The following NRG3 variants were observed in gnomAD, a reference collection of about 807,000 sequenced individuals.
NRG3 encodes neuregulin 3.
In NRG3, 31 loss-of-function variants were observed where a neutral mutation model predicts 66.9. The observed-to-expected ratio is 0.46, with a 90% CI of 0.35 to 0.63. The LOEUF (loss-of-function observed/expected upper bound fraction) is 0.63, where lower values mean the gene tolerates loss of function less well. Ranked by LOEUF, NRG3 falls within the 20% of genes least tolerant of loss-of-function variation. The probability of loss-of-function intolerance (pLI) is 0.00; values close to 1 mark genes in which losing one functional copy is unlikely to be tolerated. For missense variants in NRG3, 910 were observed against 878.9 expected, an observed-to-expected ratio of 1.04 and a Z score of -0.45; for synonymous variants, 393 against 359.4, an observed-to-expected ratio of 1.09 and a Z score of -1.06.
chr10:82,120,789 G>A (rs1347602343), intron 1 of NRG3, among the ~76,000 whole-genome samples: 1 of 152,070 alleles, frequency 6.6e-6, no homozygotes, highest in Non-Finnish European at 1.5e-5. Flanking sequence ...ATTCCATGGA[G>A]TCAGTTGCCA....
chr10:82,078,187 A>G (rs900522548), intron 1 of NRG3, among the ~76,000 whole-genome samples: 1 of 152,128 alleles, frequency 6.6e-6, no homozygotes, highest in African/African-American at 2.4e-5. Context: ...TGTATTACCT[A>G]TTGGCTTCAC....
chr10:82,866,162 A>G (rs1406768180), intron 4 of NRG3, among the ~76,000 whole-genome samples: 1 of 152,188 alleles, frequency 6.6e-6, no homozygotes, highest in Non-Finnish European at 1.5e-5. Flanking sequence ...AAAGACACTC[A>G]GGATTTAGAG....
chr10:82,584,659 C>T (rs2046558884), intron 2 of NRG3, among the ~76,000 whole-genome samples: 1 of 152,088 alleles, frequency 6.6e-6, no homozygotes, highest in Non-Finnish European at 1.5e-5. Context: ...ATAATTGTTG[C>T]CTTTTTTTCT....
rs529289100 is a variant in NRG3, at chr10:82,352,234, T to C, written c.824-6505T>C. Among the ~76,000 whole-genome samples, 129 of 152,310 alleles carry C rather than the reference T, an allele frequency of 8.5e-4. 1 individual carries two copies. The highest frequency in any genetic ancestry group is 3.0e-3 in the African/African-American group (123 of 41,566). ...ACACATACAGACACATACACAGATA[T>C]ATAACATGTTTGTATCTTCCAGAAG... On this transcript the variant is annotated intron_variant, in intron 1 of 8. Transcript: ENST00000372141.
chr10:82,277,898 C>A (rs1284043158), intron 1 of NRG3, among the ~76,000 whole-genome samples: 1 of 152,052 alleles, frequency 6.6e-6, no homozygotes, highest in African/African-American at 2.4e-5. Context: ...ATTGGTCTAC[C>A]CTCCTCAGCC....
In NRG3 at chr10:81,896,228, C is replaced by T. The variant is rs140717320; in HGVS notation, c.823+20065C>T. ...GCATGCCCTTTCGATATGATTGCTC[C>T]GGAAGCGTGGGATGCTCAGTTTGAA... is the stretch of plus-strand genomic sequence containing the variant. On this transcript the variant is annotated intron_variant, in intron 1 of 8. Coordinates refer to ENST00000372141, the MANE Select transcript of NRG3 (RefSeq NM_001010848.4). Among the ~76,000 whole-genome samples, 525 of 152,070 alleles carry T rather than the reference C, an allele frequency of 3.5e-3. 4 individuals carry two copies. The highest frequency in any genetic ancestry group is 9.6e-3 in the African/African-American group (399 of 41,488).
intron 1 of NRG3, among the ~76,000 whole-genome samples, chr10:81,926,401 G>T (rs1020512718): frequency 6.6e-6 from 1 of 152,146 alleles, no homozygotes; most frequent in African/African-American, 2.4e-5. Context: ...GATTATAGGT[G>T]TGAGCCACCA....
chr10:82,830,863 C>T (rs2062483950), intron 3 of NRG3, among the ~76,000 whole-genome samples: 1 of 152,050 alleles, frequency 6.6e-6, no homozygotes, highest in Non-Finnish European at 1.5e-5. Flanking sequence ...TTGAACAAGA[C>T]CATCAAGGAA....
chr10:82,672,818 C>T (rs2053389584), intron 2 of NRG3, among the ~76,000 whole-genome samples: 1 of 152,176 alleles, frequency 6.6e-6, no homozygotes, highest in Non-Finnish European at 1.5e-5. Context: ...GGCACGATCT[C>T]GGCTTACTGC....
intron 3 of NRG3, among the ~76,000 whole-genome samples, chr10:82,767,733 T>C (rs2059569380): frequency 6.6e-6 from 1 of 152,144 alleles, no homozygotes; most frequent in South Asian, 2.1e-4. Flanking sequence ...ACTATAACAC[T>C]GTAAATTCCA....
intron 3 of NRG3, among the ~76,000 whole-genome samples, chr10:82,827,352 C>A (rs543821995): frequency 6.6e-6 from 1 of 152,122 alleles, no homozygotes; most frequent in South Asian, 2.1e-4. Context: ...ATATTAAAGC[C>A]CTGGGGCCAG....
intron 1 of NRG3, among the ~76,000 whole-genome samples, chr10:81,947,368 T>G (rs1438584767): frequency 6.6e-6 from 1 of 152,180 alleles, no homozygotes; most frequent in African/African-American, 2.4e-5. Flanking sequence ...GGGTCAAGAC[T>G]TCAACTTATC....
chr10:82,237,258 C>T (rs77903709), intron 1 of NRG3, among the ~76,000 whole-genome samples: 3,771 of 152,224 alleles, frequency 0.025, 150 homozygotes, highest in African/African-American at 0.087. Flanking sequence ...CACTTTTGAA[C>T]ATTTTATGCC....
intron 2 of NRG3, among the ~76,000 whole-genome samples, chr10:82,411,100 C>T (rs553675027): frequency 2.6e-5 from 4 of 152,036 alleles, no homozygotes; most frequent in Non-Finnish European, 4.4e-5. Flanking sequence ...ATTTTTAGTA[C>T]GGACAGGATT....
At chr10:82,303,972 G>A (rs889649556) in intron 1 of NRG3, among the ~76,000 whole-genome samples, 1 of 152,164 alleles carries the variant, frequency 6.6e-6, no homozygotes, top group African/African-American at 2.4e-5. Context: ...CACAAGCAAT[G>A]TAACATGAAT....
At chr10:82,299,868 T>C (rs1035806308) in intron 1 of NRG3, among the ~76,000 whole-genome samples, 5 of 152,254 alleles carry the variant, frequency 3.3e-5, no homozygotes, top group African/African-American at 1.2e-4. Flanking sequence ...TAGATGACTT[T>C]TTATCTGTAG....
At chr10:82,575,124 T>C (rs751387657) in intron 2 of NRG3, among the ~76,000 whole-genome samples, 18 of 151,734 alleles carry the variant, frequency 1.2e-4, no homozygotes, top group Non-Finnish European at 2.7e-4. Flanking sequence ...GTTAATTAGC[T>C]CCACTTAGCA....
Position 82,301,755 on chromosome 10 carries a change from G to A in NRG3, c.824-56984G>A, listed in dbSNP as rs150798954. On this transcript the variant is annotated intron_variant, in intron 1 of 8. Coordinates refer to ENST00000372141, the MANE Select transcript of NRG3 (RefSeq NM_001010848.4). ...AATAAAGAAGCACTTTACCCTGATT[G>A]TACTTTTAAGCTTAAATTCCACCTT... Among the ~76,000 whole-genome samples the A allele has an allele frequency of 2.9e-4, 42 of 147,320 alleles. No homozygotes were observed. The East Asian group carries it at 7.3e-3, about 26-fold the overall frequency.
At chr10:82,677,024 ATCTT>A (rs59546291) in intron 2 of NRG3, among the ~76,000 whole-genome samples, 1,542 of 149,718 alleles carry the variant, frequency 0.01, 20 homozygotes, top group Admixed American at 0.031. Context: ...CTTCAAAATT[ATCTT>A]TCTTTCTTTC....
Sources: allele counts gnomAD v4.1 joint callset (sites outside exome capture counted in the v4.1 genomes callset), GRCh38; gene constraint gnomAD v4.1.1; transcripts MANE v1.5; gene names NCBI Gene and HGNC (gene_info 2026-07-23, HGNC 2026-07-21).